The following ZNF385D variants were observed in gnomAD, a reference collection of about 807,000 sequenced individuals.
The protein encoded by ZNF385D is zinc finger protein 659.
ZNF385D carries 15 observed loss-of-function variants against 35.8 expected under a neutral mutation model. The ratio of observed to expected loss-of-function variants is 0.42; its 90% CI spans 0.28 to 0.64. The LOEUF (loss-of-function observed/expected upper bound fraction) is 0.64. ZNF385D is among the 30% of genes least tolerant of loss of function. The probability of loss-of-function intolerance (pLI) is 0.23; values close to 1 mark genes in which losing one functional copy is unlikely to be tolerated. For missense variants in ZNF385D, 474 were observed against 494.6 expected (o/e 0.96, Z 0.39); for synonymous variants, 212 against 186.8 (o/e 1.13, Z -1.10).
At position 21,413,609 on chromosome 3, in the gene ZNF385D, A is replaced by G. The variant is rs1259766763; in HGVS notation, c.*7605T>C. ...TCCTTTGCCAAGAGATTGATATTAGATAAAACCCTGGTTATATTTTTTAAG... is the reference window on the plus strand; with the variant it reads ...TCCTTTGCCAAGAGATTGATATTAGGTAAAACCCTGGTTATATTTTTTAAG... On this transcript the variant is annotated 3_prime_UTR_variant, in exon 8 of 8. Coordinates refer to ENST00000281523, the MANE Select transcript of ZNF385D (RefSeq NM_024697.3). 1 of 150,286 alleles carries G rather than the reference A, an allele frequency of 6.7e-6. No individual in the cohort carries two copies. The highest frequency in any genetic ancestry group is 1.5e-5 in the Non-Finnish European group (1 of 67,222). 9.3% of individuals were successfully genotyped at this position (150,286 alleles called of 1,614,324 possible).
chr3:21,817,127 C>A (rs2073184989), intron 3 of ZNF385D, among the ~76,000 whole-genome samples: 1 of 152,028 alleles, frequency 6.6e-6, no homozygotes, highest in Admixed American at 6.6e-5. Context: ...AACTGGCTAG[C>A]CATATATAGA....
intron 3 of ZNF385D, among the ~76,000 whole-genome samples, chr3:21,558,111 A>ATTTTTTTTTTTTTTTTTTTTGT (rs57100355): frequency 7.9e-6 from 1 of 126,146 alleles, no homozygotes. Flanking sequence ...GGATTCATTG[A>ATTTTTTTTTTTTTTTTTTTTGT]TTTTTTTTTT....
At chr3:21,605,296 T>G (rs1271794846) in intron 2 of ZNF385D, among the ~76,000 whole-genome samples, 1 of 152,178 alleles carries the variant, frequency 6.6e-6, no homozygotes. Context: ...GGATTTGTAT[T>G]GGACTCAGTA....
At chr3:21,866,777 C>A (rs551786357) in intron 3 of ZNF385D, among the ~76,000 whole-genome samples, 1 of 152,170 alleles carries the variant, frequency 6.6e-6, no homozygotes, top group East Asian at 1.9e-4. Context: ...AATTTAATGC[C>A]GTGCTTTTAT....
intron 2 of ZNF385D, among the ~76,000 whole-genome samples, chr3:22,246,948 C>A (rs1491884): frequency 0.33 from 50,173 of 151,840 alleles, 8,439 homozygotes; most frequent in Non-Finnish European, 0.35. Context: ...ATCATACATA[C>A]GTGCACACAC....
upstream of ZNF385D, chr3:21,751,291 C>G (rs549036433): frequency 4.7e-5 from 51 of 1,091,678 alleles, 1 homozygote; most frequent in East Asian, 2.9e-3. Context: ...CTCCGACTGC[C>G]TGCCTGGACC....
intron 2 of ZNF385D, among the ~76,000 whole-genome samples, chr3:21,570,318 T>A (rs2063297108): frequency 6.6e-6 from 1 of 152,136 alleles, no homozygotes; most frequent in Admixed American, 6.6e-5. Context: ...GGGGATTCTG[T>A]TAAATTGATT....
intron 3 of ZNF385D, among the ~76,000 whole-genome samples, chr3:21,770,548 C>G (rs1214913950): frequency 6.6e-6 from 1 of 152,170 alleles, no homozygotes; most frequent in African/African-American, 2.4e-5. Context: ...GATACCATCT[C>G]ACACCAGTTA....
intron 2 of ZNF385D, among the ~76,000 whole-genome samples, chr3:22,321,944 T>C (rs1017034158): frequency 1.3e-5 from 2 of 152,110 alleles, no homozygotes; most frequent in Non-Finnish European, 2.9e-5. Context: ...TATACTGCTA[T>C]TGTTAATCTC....
In ZNF385D at chr3:21,515,902, G is replaced by A. The variant is rs528220238; in HGVS notation, c.277-4879C>T. Among the ~76,000 whole-genome samples the A allele has an allele frequency of 2.9e-4, 44 of 152,276 alleles. No individual in the cohort carries two copies. In the South Asian group the frequency reaches 8.1e-3, roughly 28 times the overall value. ...CATGTGGCCAGAGGTCACAAGATTT[G>A]TGACTTCCCCAATTGCTCCTATAGA... On this transcript the variant is annotated intron_variant, in intron 3 of 7. Transcript: ENST00000281523.
intron 3 of ZNF385D, among the ~76,000 whole-genome samples, chr3:22,017,159 C>G (rs1229799683): frequency 4.6e-5 from 7 of 151,804 alleles, no homozygotes; most frequent in Non-Finnish European, 1.0e-4. Flanking sequence ...GTTATGAGAG[C>G]CTTAAATAAT....
chr3:21,929,582 G>C (rs1394991608), intron 3 of ZNF385D, among the ~76,000 whole-genome samples: 1 of 151,732 alleles, frequency 6.6e-6, no homozygotes, highest in Admixed American at 6.6e-5. Flanking sequence ...AATGCTACTA[G>C]AAATAATAAA....
chr3:21,709,637 G>A (rs1402095488), intron 1 of ZNF385D, among the ~76,000 whole-genome samples: 1 of 152,072 alleles, frequency 6.6e-6, no homozygotes, highest in Non-Finnish European at 1.5e-5. Context: ...AACTATAAGA[G>A]AAAAACATCA....
At chr3:22,043,243 A>C (rs1698781138) in intron 3 of ZNF385D, among the ~76,000 whole-genome samples, 1 of 152,194 alleles carries the variant, frequency 6.6e-6, no homozygotes, top group South Asian at 2.1e-4. Flanking sequence ...CTTATAAAAG[A>C]AATCTTGCTA....
intron 1 of ZNF385D, among the ~76,000 whole-genome samples, chr3:21,727,758 A>G (rs921474271): frequency 6.6e-6 from 1 of 152,206 alleles, no homozygotes; most frequent in Non-Finnish European, 1.5e-5. Flanking sequence ...CAGTGTGACA[A>G]TTCCTCAAGG....
chr3:22,228,181 G>A (rs950744322), intron 2 of ZNF385D, among the ~76,000 whole-genome samples: 1 of 152,162 alleles, frequency 6.6e-6, no homozygotes, highest in Non-Finnish European at 1.5e-5. Flanking sequence ...GATGGTGAGA[G>A]ACAACAAAAC....
intron 1 of ZNF385D, among the ~76,000 whole-genome samples, chr3:21,695,740 G>A (rs2067447833): frequency 6.9e-6 from 1 of 144,868 alleles, no homozygotes; most frequent in Non-Finnish European, 1.5e-5. Flanking sequence ...CAAACTGCAG[G>A]TGCTGTTAAA....
intron 3 of ZNF385D, among the ~76,000 whole-genome samples, chr3:21,786,021 C>G (rs920013157): frequency 4.2e-5 from 5 of 118,902 alleles, no homozygotes; most frequent in African/African-American, 1.3e-4. Context: ...GTTACTTTAC[C>G]CTTTTTTTTT....
chr3:22,249,417 C>T (rs561904567), intron 2 of ZNF385D, among the ~76,000 whole-genome samples: 104 of 152,190 alleles, frequency 6.8e-4, no homozygotes, highest in African/African-American at 2.3e-3. Context: ...CTCAATAGCA[C>T]GAGGGTCTCT....
Sources: gnomAD v4.1 joint callset for allele counts (sites outside exome capture counted in the v4.1 genomes callset) on GRCh38, gnomAD v4.1.1 for gene constraint, MANE v1.5 for transcripts, NCBI Gene and HGNC (gene_info 2026-07-23, HGNC 2026-07-21) for gene names.